SPRED2: variants seen among roughly 807,000 people sequenced by gnomAD.
SPRED2 encodes sprouty related EVH1 domain containing 2.
Under a neutral mutation model 43.0 loss-of-function variants are expected in SPRED2, and 47 were observed. The observed-to-expected ratio is 1.09, with a 90% CI of 0.87 to 1.40. The LOEUF is 1.40. Ranked by LOEUF, SPRED2 falls within the 40% of genes most tolerant of loss-of-function variation. The pLI, the probability that SPRED2 is intolerant of heterozygous loss-of-function variation, is 0.00. For synonymous variants in SPRED2, 225 were observed against 225.7 expected, an observed-to-expected ratio of 1.00 and a Z score of 0.03; for missense variants, 561 against 586.4, an observed-to-expected ratio of 0.96 and a Z score of 0.45.
intron 1 of SPRED2, among the ~76,000 whole-genome samples, chr2:65,382,850 T>C (rs1227545187): frequency 1.3e-5 from 2 of 152,250 alleles, no homozygotes; most frequent in African/African-American, 4.8e-5. Context: ...GACTACATAC[T>C]TGACAGTGTG....
intron 1 of SPRED2, among the ~76,000 whole-genome samples, chr2:65,393,444 G>A (rs1187990565): frequency 6.6e-6 from 1 of 150,668 alleles, no homozygotes; most frequent in African/African-American, 2.5e-5. Flanking sequence ...TGATTCTCCT[G>A]CCTCAGCCTC....
chr2:65,314,733 G>C (rs1445445452), intron 5 of SPRED2, among the ~76,000 whole-genome samples: 1 of 152,220 alleles, frequency 6.6e-6, no homozygotes, highest in Non-Finnish European at 1.5e-5. Context: ...GGTAAGTCCT[G>C]TTTTACGAAA....
At chr2:65,331,033 G>T (rs1673796688) in intron 4 of SPRED2, among the ~76,000 whole-genome samples, 1 of 152,102 alleles carries the variant, frequency 6.6e-6, no homozygotes, top group African/African-American at 2.4e-5. Flanking sequence ...AATATGATTT[G>T]CTTTAGGTTT....
intron 1 of SPRED2, among the ~76,000 whole-genome samples, chr2:65,362,801 T>C (rs2104318977): frequency 6.7e-6 from 1 of 149,796 alleles, no homozygotes; most frequent in South Asian, 2.1e-4. Context: ...AAGGTTGCAG[T>C]GAGCCAAGAT....
Position 65,316,991 on chromosome 2 carries a change from C to A in SPRED2, c.439-108G>T, listed in dbSNP as rs1673260152. 7 of 1,177,484 alleles carry A rather than the reference C, an allele frequency of 5.9e-6. No individual in the cohort carries two copies. The South Asian group carries it at 1.0e-4, about 17-fold the overall frequency. 72.9% of individuals were successfully genotyped at this position (1,177,484 alleles called of 1,614,324 possible). A position where few individuals can be genotyped will look rare whatever the true frequency, so the allele number is the denominator to read the frequency against. On this transcript the variant is annotated intron_variant, in intron 4 of 5. Coordinates refer to ENST00000356388, the MANE Select transcript of SPRED2 (RefSeq NM_181784.3). ...AATACTAGCTATTCCCTGGTTGTGG[C>A]AATTTGCTGCTCTTCCCAAAATCTT...
intron 1 of SPRED2, among the ~76,000 whole-genome samples, chr2:65,357,647 T>C (rs17030204): frequency 0.052 from 7,849 of 152,274 alleles, 298 homozygotes; most frequent in Middle Eastern, 0.15. Flanking sequence ...GATAGGCAAC[T>C]GATTGTGAAA....
At position 65,311,472 on chromosome 2, in the gene SPRED2, AGGGGCACTTGAACTGAGGTCTAAGGAAAC is replaced by A. The variant is rs1673065560; in HGVS notation, c.*2000_*2028del. ...TATGTGCGTTCTTATTGAAATAAAT[AGGGGCACTTGAACTGAGGTCTAAGGAAAC>A]GAACATTAGTGTTGTGCTTTGTAGA... On this transcript the variant is annotated 3_prime_UTR_variant, in exon 6 of 6. Transcript: ENST00000356388. 1 of 985,770 alleles carries A rather than the reference AGGGGCACTTGAACTGAGGTCTAAGGAAAC, an allele frequency of 1.0e-6. No homozygotes were observed. Among genetic ancestry groups the A allele is most frequent in the Non-Finnish European group, 1.2e-6 (1 of 829,946 alleles). The allele number at this position is 985,770 out of a possible 1,614,324, so 61.1% of individuals were successfully genotyped here.
intron 1 of SPRED2, among the ~76,000 whole-genome samples, chr2:65,403,026 A>G (rs901420671): frequency 1.3e-5 from 2 of 152,232 alleles, no homozygotes; most frequent in African/African-American, 2.4e-5. Context: ...CACTGAACTA[A>G]TAACATTTGA....
chr2:65,365,949 G>A (rs187151115), intron 1 of SPRED2, among the ~76,000 whole-genome samples: 1 of 152,036 alleles, frequency 6.6e-6, no homozygotes, highest in Non-Finnish European at 1.5e-5. Flanking sequence ...ATTAAATGTT[G>A]CTACCAAATC....
In SPRED2 at chr2:65,366,526, C is replaced by A. The variant is rs1014743947; in HGVS notation, c.27-21630G>T. 13 of 1,505,436 alleles carry A rather than the reference C, an allele frequency of 8.6e-6. No individual in the cohort carries two copies. The African/African-American group carries it at 1.7e-4, about 19-fold the overall frequency. 93.3% of individuals were successfully genotyped at this position (1,505,436 alleles called of 1,614,324 possible). On this transcript the variant is annotated intron_variant, in intron 1 of 5. Transcript: ENST00000356388. ...TTTAAAAAAATGCTAAAAGCAGGCA[C>A]CAGAAAGGTTAAGAATAAGAGAACA...
rs1442523442 is a variant in SPRED2, at chr2:65,344,449, TAG to T, written c.204+268_204+269del. 8.0e-5 allele frequency: 45 copies of T among 561,260 alleles called. No individual in the cohort carries two copies. In the Admixed American group the frequency reaches 1.1e-3, roughly 14 times the overall value. The allele number at this position is 561,260 out of a possible 1,614,324, so 34.8% of individuals were successfully genotyped here. On this transcript the variant is annotated intron_variant, in intron 2 of 5. Coordinates refer to ENST00000356388, the MANE Select transcript of SPRED2 (RefSeq NM_181784.3). ...TGTTTTGAATACCTTTTTACAATGA[TAG>T]ACATCTTAATCAAAGATGCAAATAA...
chr2:65,360,101 A>AAAAAAAAAAAAAAAAAAAAAAAAAC, intron 1 of SPRED2, among the ~76,000 whole-genome samples: 1 of 12,628 alleles, frequency 7.9e-5, no homozygotes, highest in African/African-American at 1.5e-4. Flanking sequence ...AAAAAAAAAC[A>AAAAAAAAAAAAAAAAAAAAAAAAAC]AAAAAAAAAA....
At chr2:65,425,059 G>C (rs1223488977) in intron 1 of SPRED2, among the ~76,000 whole-genome samples, 1 of 152,156 alleles carries the variant, frequency 6.6e-6, no homozygotes, top group African/African-American at 2.4e-5. Context: ...CAGAGCCAAA[G>C]CAAAGCAGTA....
chr2:65,307,353 G>A (rs967861719), downstream of SPRED2, among the ~76,000 whole-genome samples: 22 of 151,896 alleles, frequency 1.4e-4, no homozygotes, highest in Non-Finnish European at 2.4e-4. Context: ...GCGCCACCAC[G>A]CCTGGCTAAT....
At chr2:65,387,720 A>G (rs530281751) in intron 1 of SPRED2, among the ~76,000 whole-genome samples, 2 of 152,312 alleles carry the variant, frequency 1.3e-5, no homozygotes, top group East Asian at 1.9e-4. Context: ...CCGATTTACC[A>G]TAAACATATA....
chr2:65,409,250 G>C (rs572976112), intron 1 of SPRED2, among the ~76,000 whole-genome samples: 1 of 149,202 alleles, frequency 6.7e-6, no homozygotes, highest in East Asian at 1.9e-4. Context: ...GCAGCCACAA[G>C]TGGCACTGAG....
In SPRED2 at chr2:65,338,870, C is replaced by T. The variant is rs1674070518; in HGVS notation, c.205-4097G>A. ...GAAGTGAGGAGCGCCTCCTCCCGGC[C>T]GCCATCCCATCTAGGAAGTGAGGAG... is the stretch of plus-strand genomic sequence containing the variant. On this transcript the variant is annotated intron_variant, in intron 2 of 5. Transcript: ENST00000356388. 2.6e-5 allele frequency among the ~76,000 whole-genome samples: 4 copies of T among 151,488 alleles called. No individual in the cohort carries two copies. In the South Asian group the frequency reaches 6.3e-4, roughly 24 times the overall value.
At chr2:65,409,052 TCAACTGACTTAATA>T (rs1676093416) in intron 1 of SPRED2, among the ~76,000 whole-genome samples, 1 of 152,198 alleles carries the variant, frequency 6.6e-6, no homozygotes, top group South Asian at 2.1e-4. Context: ...TGCACATAAA[TCAACTGACTTAATA>T]CAACAGCCCA....
At chr2:65,353,081 G>C (rs138036098) in intron 1 of SPRED2, among the ~76,000 whole-genome samples, 2 of 152,280 alleles carry the variant, frequency 1.3e-5, no homozygotes, top group East Asian at 3.9e-4. Context: ...ACAATGACTG[G>C]GGATATGACC....
Sources: allele counts gnomAD v4.1 joint callset (sites outside exome capture counted in the v4.1 genomes callset), GRCh38; gene constraint gnomAD v4.1.1; transcripts MANE v1.5; gene names NCBI Gene and HGNC (gene_info 2026-07-23, HGNC 2026-07-21).